CACNA1S: variants seen among roughly 807,000 people sequenced by gnomAD.
CACNA1S encodes voltage-dependent L-type calcium channel subunit alpha-1S.
In CACNA1S, 126 loss-of-function variants were observed where a neutral mutation model predicts 207.4. That is an observed-to-expected ratio of 0.61 (90% CI 0.53 to 0.70). CACNA1S has a LOEUF of 0.70. CACNA1S is among the 30% of genes least tolerant of loss of function. The pLI, the probability that CACNA1S is intolerant of heterozygous loss-of-function variation, is 0.00. For missense variants in CACNA1S, 2,349 were observed against 2,422.8 expected (o/e 0.97, Z 0.64); for synonymous variants, 960 against 932.7 (o/e 1.03, Z -0.53).
At chr1:201,051,893 T>C (rs940538580) in intron 32 of CACNA1S, among the ~76,000 whole-genome samples, 18 of 152,220 alleles carry the variant, frequency 1.2e-4, no homozygotes, top group African/African-American at 4.3e-4. Context: ...CACGGTGAGG[T>C]GCCGGTCTCC....
intron 6 of CACNA1S, 29 bp from the exon 7 acceptor site, chr1:201,087,958 A>C (rs1232255642): frequency 4.1e-6 from 6 of 1,468,522 alleles, no homozygotes; most frequent in African/African-American, 1.4e-5. Context: ...TGATCCTCTG[A>C]GTTGAGGGCT....
intron 7 of CACNA1S, among the ~76,000 whole-genome samples, chr1:201,086,636 T>G (rs937968458): frequency 6.6e-6 from 1 of 152,248 alleles, no homozygotes; most frequent in Non-Finnish European, 1.5e-5. Flanking sequence ...ACCACTGTTG[T>G]GGATGCAGCC....
Position 201,091,695 on chromosome 1 carries a change from G to A in CACNA1S, c.639C>T (p.Ile213=), listed in dbSNP as rs1229722414. The change falls in exon 5 of 44, where the codon ATC becomes ATT. Residue 213 remains isoleucine, a synonymous_variant. Coordinates refer to ENST00000362061, the MANE Select transcript of CACNA1S (RefSeq NM_000069.3). ...TCTTGCCCTTGAAGAGCTCCAGCCC[G>A]ATGATGGCATAGATGATGACCATAA... The part of the protein sequence containing the change: ...VLFMVIIYAI[I]GLELFKGKMH... The A allele has an allele frequency of 1.5e-5, 24 of 1,614,096 alleles. No individual in the cohort carries two copies. The highest frequency in any genetic ancestry group is 1.8e-5 in the Non-Finnish European group (21 of 1,180,044).
chr1:201,105,393 A>G (rs1216377578), intron 2 of CACNA1S, among the ~76,000 whole-genome samples: 1 of 152,218 alleles, frequency 6.6e-6, no homozygotes, highest in African/African-American at 2.4e-5. Context: ...TCAAGTATAC[A>G]ATATCATCCC....
Position 201,039,783 on chromosome 1 carries a change from C to A in CACNA1S, c.*48G>T. On this transcript the variant is annotated 3_prime_UTR_variant, in exon 44 of 44. Coordinates refer to ENST00000362061, the MANE Select transcript of CACNA1S (RefSeq NM_000069.3). ...TTCTCCACCCCAGCAACTTCCCCACCCCCATTGGTCATGCCAGCTCTAAGC... is the reference window on the plus strand; with the variant it reads ...TTCTCCACCCCAGCAACTTCCCCACACCCATTGGTCATGCCAGCTCTAAGC... 1 of 1,599,574 alleles carries A rather than the reference C, an allele frequency of 6.3e-7. No homozygotes were observed. The highest frequency in any genetic ancestry group is 8.5e-7 in the Non-Finnish European group (1 of 1,179,746).
chr1:201,047,308 C>T, intron 37 of CACNA1S, 69 bp from the exon 38 acceptor site: 1 of 1,597,302 alleles, frequency 6.3e-7, no homozygotes, highest in Non-Finnish European at 8.6e-7. Context: ...AGAGTGGGAG[C>T]CAGCTGTAGC....
intron 2 of CACNA1S, among the ~76,000 whole-genome samples, chr1:201,104,996 G>A (rs1662823970): frequency 6.6e-6 from 1 of 152,262 alleles, no homozygotes; most frequent in African/African-American, 2.4e-5. Context: ...TAAGGCATTA[G>A]AACAGTGACT....
intron 41 of CACNA1S, 28 bp downstream of exon 41, chr1:201,041,476 G>A (rs763499520): frequency 6.4e-7 from 1 of 1,572,128 alleles, no homozygotes; most frequent in Admixed American, 1.7e-5. Context: ...GAAGACTCAA[G>A]CTTCTTAGAT....
intron 40 of CACNA1S, among the ~76,000 whole-genome samples, chr1:201,042,196 G>A (rs1162550384): frequency 6.6e-6 from 1 of 152,156 alleles, no homozygotes; most frequent in Non-Finnish European, 1.5e-5. Flanking sequence ...GAGTGCAGTG[G>A]CACAATCAGC....
intron 1 of CACNA1S, among the ~76,000 whole-genome samples, chr1:201,110,663 C>T (rs1468618134): frequency 6.6e-6 from 1 of 152,194 alleles, no homozygotes; most frequent in Non-Finnish European, 1.5e-5. Context: ...CAGAGGCTTA[C>T]CCAGATAAAT....
intron 32 of CACNA1S, among the ~76,000 whole-genome samples, chr1:201,051,886 G>A (rs1438251363): frequency 6.6e-6 from 1 of 152,198 alleles, no homozygotes; most frequent in Non-Finnish European, 1.5e-5. Context: ...GCCTGCACAC[G>A]GTGAGGTGCC....
intron 22 of CACNA1S, among the ~76,000 whole-genome samples, chr1:201,063,617 C>T (rs1661145143): frequency 6.6e-6 from 1 of 152,214 alleles, no homozygotes; most frequent in African/African-American, 2.4e-5. Context: ...GAGGCTAAAT[C>T]AGGCTTGAGA....
intron 8 of CACNA1S, 145 bp downstream of exon 8, chr1:201,085,291 A>G (rs1178159720): frequency 8.9e-7 from 1 of 1,122,656 alleles, no homozygotes; most frequent in African/African-American, 1.5e-5. Context: ...GGATCTTACC[A>G]TTTTGAGCCA....
At position 201,075,419 on chromosome 1, in the gene CACNA1S, C is replaced by A. The variant is rs1487436894; in HGVS notation, c.1948+76G>T. On this transcript the variant is annotated intron_variant, in intron 13 of 43. Coordinates refer to ENST00000362061, the MANE Select transcript of CACNA1S (RefSeq NM_000069.3). ...GCCTGGCTACCTAGAAACTGGACAC[C>A]CTTGACCCCCATTTTAAGCCCTTTC... The A allele has an allele frequency of 3.8e-6, 6 of 1,593,952 alleles. No individual in the cohort carries two copies. In the East Asian group the frequency reaches 1.1e-4, roughly 30 times the overall value.
intron 35 of CACNA1S, 35 bp downstream of exon 35, chr1:201,048,968 C>A: frequency 6.5e-7 from 1 of 1,542,228 alleles, no homozygotes; most frequent in South Asian, 1.1e-5. Context: ...CTCTTCCCCT[C>A]CCTGGGGCCA....
chr1:201,060,572 C>A, intron 26 of CACNA1S, 86 bp downstream of exon 26: 1 of 1,446,352 alleles, frequency 6.9e-7, no homozygotes, highest in Non-Finnish European at 9.7e-7. Flanking sequence ...TGGGGGGAAT[C>A]CTGGCTATCC....
At position 201,110,239 on chromosome 1, in the gene CACNA1S, GA is replaced by G. The variant is rs1263658448; in HGVS notation, c.182del (p.Ile61ThrfsTer22). 2 of 1,614,226 alleles carry G rather than the reference GA, an allele frequency of 1.2e-6. No individual in the cohort carries two copies. On this transcript the variant is annotated frameshift_variant, in exon 2 of 44. Coordinates refer to ENST00000362061, the MANE Select transcript of CACNA1S (RefSeq NM_000069.3). LOFTEE classifies it high-confidence loss of function. ...CGGCCAGGGCCACACAATTGGCAAA[GA>G]TGGTGAGCAAGATGATCGTCTCGAA... The part of the protein sequence containing the change: ...KPFETIILLT[I>X]FANCVALAVY...
At chr1:201,099,276 C>T (rs1003413589) in intron 2 of CACNA1S, among the ~76,000 whole-genome samples, 2 of 152,236 alleles carry the variant, frequency 1.3e-5, no homozygotes, top group Non-Finnish European at 2.9e-5. Context: ...GCACAGTGGC[C>T]TGGTCAGGAC....
chr1:201,111,770 G>A (rs78406557), intron 1 of CACNA1S, among the ~76,000 whole-genome samples: 2,080 of 152,246 alleles, frequency 0.014, 58 homozygotes, highest in African/African-American at 0.047. Context: ...GGCACCCCAT[G>A]ATAATGTGGA....
Sources: gnomAD v4.1 joint callset for allele counts (sites outside exome capture counted in the v4.1 genomes callset) on GRCh38, gnomAD v4.1.1 for gene constraint, MANE v1.5 for transcripts, NCBI Gene and HGNC (gene_info 2026-07-23, HGNC 2026-07-21) for gene names.